Variants in MEI1 observed in about 807,000 individuals in gnomAD.
MEI1 encodes meiosis inhibitor protein 1.
Under a neutral mutation model 146.2 loss-of-function variants are expected in MEI1, and 103 were observed. The ratio of observed to expected loss-of-function variants is 0.70; its 90% confidence interval spans 0.60 to 0.83. The LOEUF (loss-of-function observed/expected upper bound fraction) is 0.83. MEI1 is among the 40% of genes least tolerant of loss of function. The pLI, the probability that MEI1 is intolerant of heterozygous loss-of-function variation, is 0.00. For synonymous variants in MEI1, 652 were observed against 628.2 expected, an observed-to-expected ratio of 1.04 and a Z score of -0.57; for missense variants, 1,529 against 1,533.0, an observed-to-expected ratio of 1.00 and a Z score of 0.04.
At position 41,703,323 on chromosome 22, in the gene MEI1, GCT is replaced by G. The variant is rs1261019296; in HGVS notation, c.175-7_175-6del. 3 of 1,611,206 alleles carry G rather than the reference GCT, an allele frequency of 1.9e-6. No individual in the cohort carries two copies. Among genetic ancestry groups the G allele is most frequent in the Non-Finnish European group, 2.5e-6 (3 of 1,178,800 alleles). ...TGCTATTGAATGTTTTTCTTCATTTGCTTCAAGTTAGTGCGCAAGAAGCACAT... is the reference window on the plus strand; with the variant it reads ...TGCTATTGAATGTTTTTCTTCATTTGTCAAGTTAGTGCGCAAGAAGCACAT... On this transcript the variant is annotated splice_region_variant and splice_polypyrimidine_tract_variant and intron_variant, in intron 1 of 30. Transcript: ENST00000401548.
intron 1 of MEI1, among the ~76,000 whole-genome samples, chr22:41,701,556 C>G (rs1476536208): frequency 6.6e-6 from 1 of 152,110 alleles, no homozygotes; most frequent in African/African-American, 2.4e-5. Context: ...CTTAGGAATT[C>G]CCACACTGTG....
At chr22:41,794,024 TTTAA>T in intron 27 of MEI1, 114 bp downstream of exon 27, 1 of 1,027,520 alleles carries the variant, frequency 9.7e-7, no homozygotes. Context: ...ACTTGTTTTG[TTTAA>T]TTCTTTTAGC....
intron 26 of MEI1, among the ~76,000 whole-genome samples, chr22:41,789,973 T>A (rs1032372498): frequency 2.0e-5 from 3 of 152,202 alleles, no homozygotes; most frequent in Non-Finnish European, 4.4e-5. Flanking sequence ...TTCCTGGCCT[T>A]CTTTGTTCAG....
intron 11 of MEI1, 24 bp from the exon 12 acceptor site, chr22:41,743,056 C>T: frequency 6.3e-7 from 1 of 1,577,562 alleles, no homozygotes; most frequent in Non-Finnish European, 8.7e-7. Flanking sequence ...TACCGTGAAC[C>T]TGCTTTTGTC....
chr22:41,780,113 G>A (rs182858772), intron 22 of MEI1, among the ~76,000 whole-genome samples: 5 of 152,320 alleles, frequency 3.3e-5, no homozygotes, highest in Non-Finnish European at 7.3e-5. Context: ...TGAGATCAAG[G>A]CTGACACTAA....
intron 20 of MEI1, among the ~76,000 whole-genome samples, chr22:41,775,054 G>A (rs889938669): frequency 6.6e-5 from 10 of 152,196 alleles, no homozygotes; most frequent in South Asian, 2.1e-4. Flanking sequence ...CTGGCCCAGC[G>A]CATTAGCCTG....
At position 41,747,766 on chromosome 22, in the gene MEI1, A is replaced by G. The variant is rs1419405514; in HGVS notation, c.1681-341A>G. 2.0e-5 allele frequency among the ~76,000 whole-genome samples: 3 copies of G among 149,054 alleles called. No homozygotes were observed. In the East Asian group the frequency reaches 5.9e-4, roughly 29 times the overall value. On this transcript the variant is annotated intron_variant, in intron 14 of 30. Transcript: ENST00000401548. ...AAAACAAATATGAAGGCAGTTTATA[A>G]ACTATATTATTATTATTACTATCGT...
At chr22:41,788,268 A>G (rs898056001) in intron 26 of MEI1, among the ~76,000 whole-genome samples, 1 of 151,916 alleles carries the variant, frequency 6.6e-6, no homozygotes, top group African/African-American at 2.4e-5. Flanking sequence ...ACCTCAAGTG[A>G]TCCACCTGCC....
intron 11 of MEI1, among the ~76,000 whole-genome samples, chr22:41,739,425 C>G (rs2072671375): frequency 6.6e-6 from 1 of 152,070 alleles, no homozygotes; most frequent in African/African-American, 2.4e-5. Context: ...CCCTCTCTTC[C>G]CTACTTCTAC....
rs866700275 is a variant in MEI1, at chr22:41,786,140, G to A, written c.3345+1357G>A. Among the ~76,000 whole-genome samples, 4 of 151,238 alleles carry A rather than the reference G, an allele frequency of 2.6e-5. No homozygotes were observed. The South Asian group carries it at 8.4e-4, about 32-fold the overall frequency. The stretch of plus-strand genomic sequence containing the variant: ...TTAGCCAGGATGGTCTCGATCTCCT[G>A]ACCTCGTGATCCGCCCGCCTCGGCC... On this transcript the variant is annotated intron_variant, in intron 26 of 30. Coordinates refer to ENST00000401548, the MANE Select transcript of MEI1 (RefSeq NM_152513.4).
chr22:41,715,521 G>T (rs563604146), intron 4 of MEI1, among the ~76,000 whole-genome samples: 2 of 150,966 alleles, frequency 1.3e-5, no homozygotes, highest in Non-Finnish European at 2.9e-5. Flanking sequence ...TCAGCCTCCC[G>T]AGTAGCTGGG....
At chr22:41,779,599 GGTTAAGATACGGAATACTTATCTAGTT>G (rs1477064534) in intron 22 of MEI1, among the ~76,000 whole-genome samples, 1 of 152,050 alleles carries the variant, frequency 6.6e-6, no homozygotes, top group South Asian at 2.1e-4. Flanking sequence ...CCTAAACTAG[GGTTAAGATACGGAATACTTATCTAGTT>G]GTTAAGATAA....
chr22:41,765,353 C>T (rs1178920607), intron 19 of MEI1, among the ~76,000 whole-genome samples: 1 of 152,074 alleles, frequency 6.6e-6, no homozygotes, highest in Admixed American at 6.6e-5. Flanking sequence ...TGGTGGTGCG[C>T]ACCTGTGGTC....
rs2074680668 is a variant in MEI1 at position 41,763,975 on chromosome 22, C to T, written c.2268+654C>T. Among the ~76,000 whole-genome samples, 7 of 121,692 alleles carry T rather than the reference C, an allele frequency of 5.8e-5. No individual in the cohort carries two copies. In the South Asian group the frequency reaches 1.9e-3, roughly 34 times the overall value. 79.8% of individuals were successfully genotyped at this position (121,692 alleles called of 152,430 possible). A position where few individuals can be genotyped will look rare whatever the true frequency, so the allele number is the denominator to read the frequency against. Reference sequence around the variant, plus strand: ...TTTTTTTTTTTTTTTGAGACGGAGTCTCGCTCTGTCACCCAGGCTGGAGTG... The same window carrying T: ...TTTTTTTTTTTTTTTGAGACGGAGTTTCGCTCTGTCACCCAGGCTGGAGTG... On this transcript the variant is annotated intron_variant, in intron 19 of 30. Transcript: ENST00000401548.
intron 4 of MEI1, 108 bp downstream of exon 4, chr22:41,714,183 T>C (rs556227539): frequency 1.9e-6 from 2 of 1,043,936 alleles, no homozygotes; most frequent in Admixed American, 4.2e-5. Flanking sequence ...GAAAAGGAGC[T>C]TTCCTGAGGT....
intron 11 of MEI1, among the ~76,000 whole-genome samples, chr22:41,741,785 A>G (rs2147735731): frequency 6.6e-6 from 1 of 152,224 alleles, no homozygotes; most frequent in East Asian, 1.9e-4. Context: ...CTCTACTAAA[A>G]ATACAAAAAT....
intron 17 of MEI1, among the ~76,000 whole-genome samples, chr22:41,757,640 C>G: frequency 6.6e-6 from 1 of 152,042 alleles, no homozygotes; most frequent in Non-Finnish European, 1.5e-5. Context: ...TACAGCCTGG[C>G]CCACAGTTTC....
At chr22:41,794,832 T>A (rs532143068) in intron 28 of MEI1, among the ~76,000 whole-genome samples, 16 of 152,274 alleles carry the variant, frequency 1.1e-4, no homozygotes, top group African/African-American at 3.6e-4. Flanking sequence ...AATGTAAATA[T>A]GATGCTACAA....
Position 41,793,930 on chromosome 22 carries a change from T to A in MEI1, c.3427+20T>A. 1 of 1,602,682 alleles carries A rather than the reference T, an allele frequency of 6.2e-7. No individual in the cohort carries two copies. The highest frequency in any genetic ancestry group is 8.5e-7 in the Non-Finnish European group (1 of 1,172,912). Reference sequence around the variant, plus strand: ...ACATTGGTAGAAACTCTCCACATTATCTGATGTTCCCATGAGAGAGATTAG... The same window carrying A: ...ACATTGGTAGAAACTCTCCACATTAACTGATGTTCCCATGAGAGAGATTAG... On this transcript the variant is annotated intron_variant, in intron 27 of 30. Coordinates refer to ENST00000401548, the MANE Select transcript of MEI1 (RefSeq NM_152513.4).
Sources: gnomAD v4.1 joint callset for allele counts (sites outside exome capture counted in the v4.1 genomes callset) on GRCh38, gnomAD v4.1.1 for gene constraint, MANE v1.5 for transcripts, NCBI Gene and HGNC (gene_info 2026-07-23, HGNC 2026-07-21) for gene names.